PAX5: variants seen among roughly 807,000 people sequenced by gnomAD.
The protein encoded by PAX5 is paired box 5, also known as paired box protein Pax-5.
A neutral mutation model predicts 43.7 loss-of-function variants in PAX5; 9 were observed. The ratio of observed to expected loss-of-function variants is 0.21; its 90% confidence interval spans 0.12 to 0.36. PAX5 has a LOEUF of 0.36. PAX5 is among the 10% of genes least tolerant of loss of function. The pLI, the probability that PAX5 is intolerant of heterozygous loss-of-function variation, is 1.00. For missense variants in PAX5, 383 were observed against 532.7 expected (o/e 0.72, Z 2.77); for synonymous variants, 228 against 214.3 (o/e 1.06, Z -0.56).
At chr9:36,888,773 G>A (rs1827120694) in intron 7 of PAX5, among the ~76,000 whole-genome samples, 1 of 152,212 alleles carries the variant, frequency 6.6e-6, no homozygotes, top group Non-Finnish European at 1.5e-5. Context: ...GAGACCTCCA[G>A]GCAGCTCTGC....
At chr9:36,884,843 T>C (rs978339988) in intron 7 of PAX5, among the ~76,000 whole-genome samples, 2 of 152,242 alleles carry the variant, frequency 1.3e-5, no homozygotes, top group Non-Finnish European at 2.9e-5. Flanking sequence ...GCAACCACCA[T>C]GCTGGGGACT....
intron 5 of PAX5, among the ~76,000 whole-genome samples, chr9:37,001,488 C>T (rs1042865691): frequency 1.3e-4 from 20 of 152,232 alleles, no homozygotes; most frequent in African/African-American, 4.8e-4. Context: ...TTAAAGACGT[C>T]TGACATCTGC....
intron 5 of PAX5, among the ~76,000 whole-genome samples, chr9:36,991,305 A>C (rs1836918042): frequency 6.6e-6 from 1 of 152,130 alleles, no homozygotes; most frequent in Admixed American, 6.5e-5. Context: ...AAGATCTAGA[A>C]TCTAACTCCA....
chr9:36,993,707 G>A (rs1256338633), intron 5 of PAX5, among the ~76,000 whole-genome samples: 1 of 152,224 alleles, frequency 6.6e-6, no homozygotes, highest in Non-Finnish European at 1.5e-5. Flanking sequence ...GGCATGCAGG[G>A]TGGAGAAAGC....
intron 8 of PAX5, among the ~76,000 whole-genome samples, chr9:36,873,697 C>T (rs186089230): frequency 4.3e-4 from 66 of 152,348 alleles, no homozygotes; most frequent in Admixed American, 1.5e-3. Flanking sequence ...GCCTGGAGAG[C>T]ACTGGTCCTC....
chr9:37,000,989 G>A (rs28481332), intron 5 of PAX5, among the ~76,000 whole-genome samples: 1,536 of 152,260 alleles, frequency 0.01, 19 homozygotes, highest in African/African-American at 0.034. Flanking sequence ...CTTCGCCCAG[G>A]ACACAATCCC....
intron 8 of PAX5, among the ~76,000 whole-genome samples, chr9:36,874,485 TC>T (rs1825745544): frequency 6.6e-6 from 1 of 152,066 alleles, no homozygotes; most frequent in South Asian, 2.1e-4. Context: ...TGGGCTGGAC[TC>T]CCACCCCTGG....
chr9:36,873,704 C>T (rs1014847231), intron 8 of PAX5, among the ~76,000 whole-genome samples: 10 of 152,212 alleles, frequency 6.6e-5, no homozygotes, highest in African/African-American at 2.4e-4. Flanking sequence ...GAGCACTGGT[C>T]CTCTCTCCAT....
At chr9:37,033,028 C>T (rs570742409) in intron 1 of PAX5, among the ~76,000 whole-genome samples, 1 of 152,376 alleles carries the variant, frequency 6.6e-6, no homozygotes, top group African/African-American at 2.4e-5. Flanking sequence ...CACACAAATA[C>T]ACACGCCAGT....
chr9:36,876,969 A>G (rs1446856138), intron 8 of PAX5, among the ~76,000 whole-genome samples: 2 of 152,238 alleles, frequency 1.3e-5, no homozygotes, highest in Non-Finnish European at 2.9e-5. Flanking sequence ...GTGGCTGTGG[A>G]AGCATAGCCC....
intron 6 of PAX5, among the ~76,000 whole-genome samples, chr9:36,953,182 G>A (rs924630980): frequency 1.3e-5 from 2 of 152,210 alleles, no homozygotes; most frequent in Middle Eastern, 3.4e-3. Flanking sequence ...CTTCTTGTAT[G>A]CATGGTTTCT....
intron 8 of PAX5, among the ~76,000 whole-genome samples, chr9:36,862,845 C>T (rs1397525227): frequency 6.6e-6 from 1 of 152,224 alleles, no homozygotes; most frequent in Non-Finnish European, 1.5e-5. Flanking sequence ...CACCTACTCT[C>T]AGGGTCTCTT....
chr9:36,913,542 C>T (rs1020097691), intron 7 of PAX5, among the ~76,000 whole-genome samples: 10 of 152,220 alleles, frequency 6.6e-5, no homozygotes, highest in Non-Finnish European at 1.5e-4. Context: ...CAATGAGACA[C>T]CTGCAGATAA....
At chr9:36,969,780 A>G (rs764122910) in intron 5 of PAX5, among the ~76,000 whole-genome samples, 1 of 152,100 alleles carries the variant, frequency 6.6e-6, no homozygotes, top group Middle Eastern at 3.2e-3. Flanking sequence ...AAGGGCTGCG[A>G]GCTGGGCAGA....
chr9:36,943,568 A>ACACACG (rs1832245822), intron 6 of PAX5, among the ~76,000 whole-genome samples: 1 of 151,176 alleles, frequency 6.6e-6, no homozygotes, highest in Non-Finnish European at 1.5e-5. Flanking sequence ...ACACACACAC[A>ACACACG]GCTACATATT....
chr9:36,984,682 C>T (rs746889060), intron 5 of PAX5, among the ~76,000 whole-genome samples: 27 of 152,134 alleles, frequency 1.8e-4, no homozygotes, highest in Non-Finnish European at 3.4e-4. Context: ...TCTCGAACTC[C>T]TGACCTCAGG....
intron 2 of PAX5, among the ~76,000 whole-genome samples, chr9:37,016,533 G>C (rs940414605): frequency 3.3e-5 from 5 of 152,142 alleles, no homozygotes; most frequent in Admixed American, 3.3e-4. Context: ...AGACCAAGAA[G>C]AAGAGTGTCA....
At chr9:36,956,155 A>G (rs1564007610) in intron 6 of PAX5, among the ~76,000 whole-genome samples, 1 of 152,198 alleles carries the variant, frequency 6.6e-6, no homozygotes, top group Non-Finnish European at 1.5e-5. Flanking sequence ...GGCTGCATCA[A>G]TTGCTGTTAC....
At position 37,020,776 on chromosome 9, in the gene PAX5, C is replaced by A; in HGVS notation, c.72G>T (p.Gly24=). 6.2e-7 allele frequency: 1 copy of A among 1,614,128 alleles called. No homozygotes were observed. The highest frequency in any genetic ancestry group is 8.5e-7 in the Non-Finnish European group (1 of 1,180,030). Residue 24 remains glycine (G), a synonymous_variant, in exon 2 of 10, where the codon GGG becomes GGT. Transcript: ENST00000358127. ...RTGHGGVNQL[G]GVFVNGRPLP... The stretch of plus-strand genomic sequence containing the variant: ...GTGGCCGTCCATTCACAAAAACCCC[C>A]CCAAGCTGATTCACTCCTCCATGTC...
Sources: allele counts gnomAD v4.1 joint callset (sites outside exome capture counted in the v4.1 genomes callset), GRCh38; gene constraint gnomAD v4.1.1; transcripts MANE v1.5; gene names NCBI Gene and HGNC (gene_info 2026-07-23, HGNC 2026-07-21).